SIX5: variants seen among roughly 807,000 people sequenced by gnomAD.
SIX5 encodes the protein SIX homeobox 5.
Under a neutral mutation model 37.1 loss-of-function variants are expected in SIX5, and 21 were observed. The observed-to-expected ratio is 0.57, with a 90% CI of 0.40 to 0.81. The LOEUF (loss-of-function observed/expected upper bound fraction) is 0.81. Among genes scored for constraint, SIX5 ranks in the 40% least tolerant of loss-of-function variants. The pLI is 0.00. For missense variants in SIX5, 1,137 were observed against 1,025.1 expected, an observed-to-expected ratio of 1.11 and a Z score of -1.49; for synonymous variants, 626 against 505.9, an observed-to-expected ratio of 1.24 and a Z score of -3.19.
rs1248566538 is a variant in SIX5, at chr19:45,768,979, C to A, written c.-135G>T. 1 of 873,820 alleles carries A rather than the reference C, an allele frequency of 1.1e-6. No homozygotes were observed. Among genetic ancestry groups the A allele is most frequent in the South Asian group, 1.7e-5 (1 of 59,672 alleles). The allele number at this position is 873,820 out of a possible 1,614,324, so 54.1% of individuals were successfully genotyped here. On this transcript the variant is annotated 5_prime_UTR_variant, in exon 1 of 3. Coordinates refer to ENST00000317578, the MANE Select transcript of SIX5 (RefSeq NM_175875.5). ...ATCTTCTTTCTGGCCGACCCTGCGCCCCACGCCGGGAAGGCGAGATCCAGC... is the reference window on the plus strand; with the variant it reads ...ATCTTCTTTCTGGCCGACCCTGCGCACCACGCCGGGAAGGCGAGATCCAGC...
intron 2 of SIX5, 74 bp from the exon 3 acceptor site, chr19:45,766,185 G>A (rs1969069933): frequency 1.9e-6 from 3 of 1,551,112 alleles, no homozygotes; most frequent in Middle Eastern, 2.0e-4. Flanking sequence ...TGGAGACTGT[G>A]CAGCTGGAGG....
chr19:45,768,301 C>A lies in SIX5; in HGVS notation c.544G>T (p.Ala182Ser), dbSNP rs1181402637. The A allele has an allele frequency of 6.2e-7, 1 of 1,610,680 alleles. No homozygotes were observed. The highest frequency in any genetic ancestry group is 8.5e-7 in the Non-Finnish European group (1 of 1,178,868). The change falls in exon 1 of 3, where the codon GCA (alanine) becomes TCA (serine). Residue 182 changes from alanine to serine, a missense_variant. Ala to Ser is a moderately conservative substitution (Grantham distance 99, BLOSUM62 1). Transcript: ENST00000317578. ...TTGCGCAGTCGATACTTGTCCACTG[C>A]GCCAAGCGCGCGGCCGCGGGCCCGC... is the stretch of plus-strand genomic sequence containing the variant. The part of the protein sequence containing the change: ...AERARGRALG[A>S]VDKYRLRKKF...
chr19:45,768,786 G>GCCA lies in SIX5; in HGVS notation c.56_58dup (p.Val19dup). On this transcript the variant is annotated inframe_insertion, in exon 1 of 3. Coordinates refer to ENST00000317578, the MANE Select transcript of SIX5 (RefSeq NM_175875.5). The stretch of plus-strand genomic sequence containing the variant: ...CTCCTCTTCGGTCGCCGCCGCCGCC[G>GCCA]CCACCGCCTCCCCCCCAGCCGCCGG... 4 of 1,527,436 alleles carry GCCA rather than the reference G, an allele frequency of 2.6e-6. No individual in the cohort carries two copies. Among genetic ancestry groups the GCCA allele is most frequent in the Non-Finnish European group, 3.5e-6 (4 of 1,143,194 alleles). The allele number at this position is 1,527,436 out of a possible 1,614,324, so 94.6% of individuals were successfully genotyped here.
At chr19:45,767,773 G>A (rs1169528592) in intron 1 of SIX5, 12 of 552,442 alleles carry the variant, frequency 2.2e-5, no homozygotes, top group Non-Finnish European at 3.8e-5. Flanking sequence ...GCCCCCCGCA[G>A]TGTGATTCCC....
chr19:45,765,656 C>T lies in SIX5; in HGVS notation c.2065G>A (p.Ala689Thr). The T allele has an allele frequency of 1.9e-6, 3 of 1,612,694 alleles. No individual in the cohort carries two copies. Among genetic ancestry groups the T allele is most frequent in the Non-Finnish European group, 2.5e-6 (3 of 1,179,550 alleles). The change falls in exon 3 of 3, where the codon GCC becomes ACC. Residue 689 changes from alanine (A) to threonine (T), a missense_variant. Transcript: ENST00000317578. ...GGCAGCCTCAGCACGGTGTGGGGGG[C>T]CTGTGTCCCCAGCCCCTTTTCCGCT... ...LEAEKGLGTQ[A>T]PHTVLRLPDP... is the part of the protein sequence containing the mutation.
chr19:45,767,279 G>T, intron 1 of SIX5, 124 bp from the exon 2 acceptor site: 1 of 987,566 alleles, frequency 1.0e-6, no homozygotes, highest in Non-Finnish European at 1.5e-6. Flanking sequence ...GGGTTATGAC[G>T]CCTCTCTGAG....
In SIX5 at chr19:45,768,704, C is replaced by T. The variant is rs1251167684; in HGVS notation, c.141G>A (p.Ala47=). 5.1e-6 allele frequency: 7 copies of T among 1,367,670 alleles called. No individual in the cohort carries two copies. In the African/African-American group the frequency reaches 1.1e-4, roughly 21 times the overall value. The allele number at this position is 1,367,670 out of a possible 1,614,324, so 84.7% of individuals were successfully genotyped here. ...CGCCCGCCCCGGCCCCGGCCGCCGC[C>T]GCCGCCTCACCCTCGGCCGCCTGCA... ...QTLQAAEGEA[A]AAAGAGAGAA... is the part of the protein sequence containing the mutation. Residue 47 remains alanine, a synonymous_variant, in exon 1 of 3, where the codon GCG becomes GCA. Coordinates refer to ENST00000317578, the MANE Select transcript of SIX5 (RefSeq NM_175875.5).
intron 2 of SIX5, 37 bp downstream of exon 2, chr19:45,766,313 G>A (rs1600397511): frequency 1.9e-6 from 3 of 1,539,252 alleles, no homozygotes; most frequent in East Asian, 4.9e-5. Context: ...CCCCTCCCCG[G>A]CTCTCACCTA....
In SIX5 at chr19:45,768,430, C is replaced by G; in HGVS notation, c.415G>C (p.Glu139Gln). The change falls in exon 1 of 3, where the codon GAG becomes CAG. Residue 139 changes from glutamate to glutamine, a missense_variant. By Grantham distance (29) the Glu-to-Gln change is conservative. Around this residue, in one of 3 missense-constraint regions of SIX5, gnomAD observed 331 missense variants for 360.9 expected, o/e 0.92. Transcript: ENST00000317578. ...AGTAGCCGGTAGAGCTCGGCGTACTCGCCCCGCTGGAAGGCCACCAGGGCC... is the reference window on the plus strand; with the variant it reads ...AGTAGCCGGTAGAGCTCGGCGTACTGGCCCCGCTGGAAGGCCACCAGGGCC... ...ARALVAFQRGEYAELYRLLES... is the reference protein window; with the variant it reads ...ARALVAFQRGQYAELYRLLES... The G allele has an allele frequency of 6.5e-7, 1 of 1,539,964 alleles. No homozygotes were observed. Among genetic ancestry groups the G allele is most frequent in the Non-Finnish European group, 8.7e-7 (1 of 1,149,852 alleles).
rs1969074916 is a variant in SIX5 at position 45,766,399 on chromosome 19, GT to G, written c.1559del (p.Asn520ThrfsTer6). 1 of 1,587,942 alleles carries G rather than the reference GT, an allele frequency of 6.3e-7. No homozygotes were observed. On this transcript the variant is annotated frameshift_variant, in exon 2 of 3. Coordinates refer to ENST00000317578, the MANE Select transcript of SIX5 (RefSeq NM_175875.5). LOFTEE classifies it high-confidence loss of function. Reference protein sequence around the residue: ...AAGPANVHLINSGVGVTALQL... With the variant: ...AAGPANVHLIXSGVGVTALQL... ...GCAGGGCAGTCACGCCCACCCCGGA[GT>G]TGATGAGGTGCACATTGGCAGGGCC...
rs766837971 is a variant in SIX5, at chr19:45,767,116, G to A, written c.843C>T (p.Ser281=). The change falls in exon 2 of 3, where the codon AGC becomes AGT. Residue 281 remains serine, a synonymous_variant. Transcript: ENST00000317578. ...CTCTCTCCAGGTCCTCAGGACTTCGGCTGGACTCGTCCTCAGTCGTGGGAT... is the reference window on the plus strand; with the variant it reads ...CTCTCTCCAGGTCCTCAGGACTTCGACTGGACTCGTCCTCAGTCGTGGGAT... The part of the protein sequence containing the change: ...DGNPTTEDES[S]RSPEDLERGA... 7 of 1,612,172 alleles carry A rather than the reference G, an allele frequency of 4.3e-6. No individual in the cohort carries two copies. In the East Asian group the frequency reaches 1.3e-4, roughly 31 times the overall value.
Position 45,766,780 on chromosome 19 carries a change from C to T in SIX5, c.1179G>A (p.Val393=), listed in dbSNP as rs1426746242. ...CCTCCGACTGAGCCTCCTCCAGCCG[C>T]ACCTCCCCTGTCTGAGGGTCCAGGA... The part of the protein sequence containing the change: ...SLVLDPQTGE[V]RLEEAQSEAP... The change falls in exon 2 of 3, where the codon GTG becomes GTA. Residue 393 remains valine, a synonymous_variant. Coordinates refer to ENST00000317578, the MANE Select transcript of SIX5 (RefSeq NM_175875.5). The T allele has an allele frequency of 6.3e-7, 1 of 1,580,050 alleles. No homozygotes were observed. Among genetic ancestry groups the T allele is most frequent in the Non-Finnish European group, 8.6e-7 (1 of 1,166,018 alleles).
At position 45,769,137 on chromosome 19, in the gene SIX5, TCA is replaced by T. The variant is rs1969170800; in HGVS notation, c.-295_-294del. The T allele has an allele frequency of 8.8e-6, 4 of 456,278 alleles. No homozygotes were observed. Among genetic ancestry groups the T allele is most frequent in the South Asian group, 3.0e-5 (1 of 33,198 alleles). The allele number at this position is 456,278 out of a possible 1,614,324, so 28.3% of individuals were successfully genotyped here. On this transcript the variant is annotated 5_prime_UTR_variant, in exon 1 of 3. It removes the in-frame stop codon of an upstream open reading frame in the 5' UTR. Coordinates refer to ENST00000317578, the MANE Select transcript of SIX5 (RefSeq NM_175875.5). ...CAGCGTGTGCTTCTGGCTCAGGGCC[TCA>T]GTTTCCCCATCGGGACAACGCAGAA...
Position 45,765,458 on chromosome 19 carries a change from T to A in SIX5, c.*43A>T. The A allele has an allele frequency of 6.2e-7, 1 of 1,612,466 alleles. No individual in the cohort carries two copies. The highest frequency in any genetic ancestry group is 8.5e-7 in the Non-Finnish European group (1 of 1,179,926). On this transcript the variant is annotated 3_prime_UTR_variant, in exon 3 of 3. Transcript: ENST00000317578. ...CCCCCCTCCCATTCCTGTCCCTGCG[T>A]CTTCAGCACCAATGTCGGGAGAGGC...
In SIX5 at chr19:45,767,049, T is replaced by C; in HGVS notation, c.910A>G (p.Ile304Val). Residue 304 changes from isoleucine to valine, a missense_variant, in exon 2 of 3, where the codon ATA becomes GTA. This residue lies in a region of SIX5 where 787 missense variants were observed against 621.4 expected (regional missense o/e 1.27). Coordinates refer to ENST00000317578, the MANE Select transcript of SIX5 (RefSeq NM_175875.5). ...VSAEAAAQGSIFLAGTGPPAP... is the reference protein window; with the variant it reads ...VSAEAAAQGSVFLAGTGPPAP... ...GGAGGGCCGGTCCCTGCCAGGAATATGGAGCCCTGGGCAGCGGCCTCGGCG... is the reference window on the plus strand; with the variant it reads ...GGAGGGCCGGTCCCTGCCAGGAATACGGAGCCCTGGGCAGCGGCCTCGGCG... The C allele has an allele frequency of 6.2e-7, 1 of 1,610,030 alleles. No individual in the cohort carries two copies. The highest frequency in any genetic ancestry group is 8.5e-7 in the Non-Finnish European group (1 of 1,178,634).
At chr19:45,767,679 C>A in intron 1 of SIX5, 1 of 354,446 alleles carries the variant, frequency 2.8e-6, no homozygotes, top group Non-Finnish European at 5.1e-6. Context: ...GAGTAACGGT[C>A]AGTGAAGAAA....
Position 45,765,584 on chromosome 19 carries a change from C to A in SIX5, c.2137G>T (p.Glu713Ter). Residue 713 changes from glutamate (E) to a stop codon, truncating the protein, a stop_gained, in exon 3 of 3, where the codon GAG becomes TAG. Coordinates refer to ENST00000317578, the MANE Select transcript of SIX5 (RefSeq NM_175875.5). LOFTEE classifies it high-confidence loss of function. ...GLLLGATAGG[E>*]VDEGLEAEAK... ...TCAGCTTCCAACCCCTCGTCAACCT[C>A]ACCCCCTGCGGTGGCCCCCAGGAGC... is the stretch of plus-strand genomic sequence containing the variant. 1 of 1,613,344 alleles carries A rather than the reference C, an allele frequency of 6.2e-7. No homozygotes were observed.
At position 45,768,576 on chromosome 19, in the gene SIX5, T is replaced by C; in HGVS notation, c.269A>G (p.Gln90Arg). Residue 90 changes from glutamine (Q) to arginine (R), a missense_variant, in exon 1 of 3, where the codon CAG becomes CGG. Physicochemically the swap from Gln to Arg is conservative, Grantham distance 43. Coordinates refer to ENST00000317578, the MANE Select transcript of SIX5 (RefSeq NM_175875.5). ...PPTGLRFSPEQVACVCEALLQ... is the reference protein window; with the variant it reads ...PPTGLRFSPERVACVCEALLQ... ...CAGCGCCTCGCAGACGCACGCCACC[T>C]GCTCGGGCGAGAAGCGGAGGCCCGT... 7.3e-7 allele frequency: 1 copy of C among 1,366,778 alleles called. No individual in the cohort carries two copies. The highest frequency in any genetic ancestry group is 9.4e-7 in the Non-Finnish European group (1 of 1,068,986). 84.7% of individuals were successfully genotyped at this position (1,366,778 alleles called of 1,614,324 possible). A position where few individuals can be genotyped will look rare whatever the true frequency, so the allele number is the denominator to read the frequency against.
chr19:45,765,879 T>C lies in SIX5; in HGVS notation c.1842A>G (p.Leu614=), dbSNP rs1477845922. Residue 614 remains leucine (L), a synonymous_variant, in exon 3 of 3, where the codon CTA becomes CTG. Transcript: ENST00000317578. ...PSPALPEAHA[L]GTLSAQQPPP... is the part of the protein sequence containing the mutation. ...GTGGCTGCTGTGCAGAAAGGGTGCC[T>C]AGGGCGTGAGCCTCTGGGAGAGCAG... 2.5e-6 allele frequency: 4 copies of C among 1,594,738 alleles called. No homozygotes were observed. In the South Asian group the frequency reaches 4.4e-5, roughly 18 times the overall value.
Sources: gnomAD v4.1 joint callset for allele counts on GRCh38, gnomAD v4.1.1 for gene constraint, gnomAD v4.1.1 regional missense constraint, MANE v1.5 for transcripts, NCBI Gene and HGNC (gene_info 2026-07-23, HGNC 2026-07-21) for gene names.